RGS5: variants seen among roughly 807,000 people sequenced by gnomAD.
RGS5 encodes regulator of G-protein signalling 5.
In RGS5, 20 loss-of-function variants were observed where a neutral mutation model predicts 18.9. The observed-to-expected ratio is 1.06, with a 90% CI of 0.74 to 1.54. The LOEUF is 1.54. Among genes scored for constraint, RGS5 ranks in the 40% most tolerant of loss-of-function variants. RGS5 has a pLI of 0.00. For synonymous variants in RGS5, 57 were observed against 76.2 expected (o/e 0.75, Z 1.31); for missense variants, 201 against 211.8 (o/e 0.95, Z 0.32).
intron 1 of RGS5, among the ~76,000 whole-genome samples, chr1:163,208,468 T>A (rs1471856242): frequency 4.1e-5 from 5 of 121,802 alleles, no homozygotes; most frequent in Non-Finnish European, 7.9e-5. Context: ...CAGTGAGCTA[T>A]GATAGTGTAC....
At chr1:163,202,928 C>T (rs1659837037), upstream of RGS5, 1 of 1,196,052 alleles carries the variant, frequency 8.4e-7, no homozygotes, top group East Asian at 2.4e-5. Flanking sequence ...GGATGCCTTT[C>T]CTCCTGAGGT....
chr1:163,233,940 A>T (rs1288924968), intron 2 of RGS5, among the ~76,000 whole-genome samples: 2 of 152,042 alleles, frequency 1.3e-5, no homozygotes, highest in Non-Finnish European at 2.9e-5. Flanking sequence ...GGCTATTTTC[A>T]CTTCTTTTGT....
At chr1:163,258,563 T>A (rs1465714763) in intron 2 of RGS5, among the ~76,000 whole-genome samples, 2 of 152,204 alleles carry the variant, frequency 1.3e-5, no homozygotes, top group Non-Finnish European at 2.9e-5. Flanking sequence ...GATAAGTTTT[T>A]CTATTAGCTG....
chr1:163,261,269 C>T (rs774008084), intron 2 of RGS5, among the ~76,000 whole-genome samples: 34 of 152,240 alleles, frequency 2.2e-4, no homozygotes, highest in South Asian at 6.2e-4. Context: ...CACTGTGATG[C>T]CCATGGTCCT....
intron 2 of RGS5, among the ~76,000 whole-genome samples, chr1:163,262,009 A>T (rs1648449776): frequency 6.6e-6 from 1 of 152,078 alleles, no homozygotes. Context: ...CAATCCACAC[A>T]ATATCAGATA....
intron 2 of RGS5, among the ~76,000 whole-genome samples, chr1:163,285,227 C>T (rs1011106279): frequency 6.6e-6 from 1 of 152,006 alleles, no homozygotes; most frequent in Non-Finnish European, 1.5e-5. Flanking sequence ...ATTAACTTTT[C>T]CTTTGACAAG....
intron 1 of RGS5, among the ~76,000 whole-genome samples, chr1:163,216,618 C>T (rs745423107): frequency 8.2e-4 from 125 of 152,212 alleles, no homozygotes; most frequent in Non-Finnish European, 1.5e-3. Context: ...TTTCGTAGGT[C>T]GTCATTTGCA....
chr1:163,233,377 C>A (rs1215258348), intron 2 of RGS5, among the ~76,000 whole-genome samples: 2 of 152,214 alleles, frequency 1.3e-5, no homozygotes, highest in African/African-American at 4.8e-5. Context: ...TGTAAGCATC[C>A]TGTTCCTCAT....
At chr1:163,304,288 G>A (rs1649638869) in intron 2 of RGS5, 1 of 152,098 alleles carries the variant, frequency 6.6e-6, no homozygotes, top group South Asian at 2.1e-4. Context: ...TTCTCCTTAG[G>A]ATACTCAGGG....
At chr1:163,285,523 G>T (rs1265942298) in intron 2 of RGS5, among the ~76,000 whole-genome samples, 3 of 151,750 alleles carry the variant, frequency 2.0e-5, no homozygotes, top group African/African-American at 7.3e-5. Context: ...ACAGAGCAAG[G>T]CTCTGTCTCA....
chr1:163,168,217 T>A (rs200992937), intron 2 of RGS5, 41 bp downstream of exon 2: 3 of 1,431,880 alleles, frequency 2.1e-6, no homozygotes, highest in Admixed American at 3.4e-5. Context: ...AAAATAGCCA[T>A]CCTCTGGAGG....
chr1:163,263,196 G>A (rs185406307), intron 2 of RGS5, among the ~76,000 whole-genome samples: 79 of 152,110 alleles, frequency 5.2e-4, no homozygotes, highest in Non-Finnish European at 7.9e-4. Flanking sequence ...TTTTCTCCTG[G>A]CTTGCCATCT....
intron 1 of RGS5, among the ~76,000 whole-genome samples, chr1:163,190,997 A>C (rs537700696): frequency 3.6e-4 from 55 of 152,220 alleles, no homozygotes; most frequent in Non-Finnish European, 6.6e-4. Context: ...ATACATATAT[A>C]TATATATCCC....
intron 1 of RGS5, among the ~76,000 whole-genome samples, chr1:163,310,032 G>A (rs1002498249): frequency 5.9e-5 from 9 of 152,074 alleles, no homozygotes; most frequent in Admixed American, 6.6e-5. Flanking sequence ...TTCCAGTCTC[G>A]ACAGAGTCTC....
chr1:163,269,324 T>C (rs1344624656), intron 2 of RGS5, among the ~76,000 whole-genome samples: 1 of 152,140 alleles, frequency 6.6e-6, no homozygotes, highest in African/African-American at 2.4e-5. Flanking sequence ...GGCATGGTGC[T>C]AAGCATAGCT....
In RGS5 at chr1:163,191,741, T is replaced by TA. The variant is rs747997695; in HGVS notation, c.44+11050dup. Among the ~76,000 whole-genome samples, 13 of 152,232 alleles carry TA rather than the reference T, an allele frequency of 8.5e-5. No individual in the cohort carries two copies. The East Asian group carries it at 1.4e-3, about 16-fold the overall frequency. ...CCTAAATCCCTTGGAAATTCCTGGG[T>TA]AAGAGGACCACGTTTTGCTCTAATG... On this transcript the variant is annotated intron_variant, in intron 1 of 4. Transcript: ENST00000313961.
chr1:163,259,715 A>G (rs1509029), intron 2 of RGS5: 43,307 of 152,126 alleles, frequency 0.28, 6,346 homozygotes, highest in Non-Finnish European at 0.32. Flanking sequence ...ATTTGCTAGG[A>G]ATCTATTAAG....
chr1:163,294,250 C>G (rs890663135), intron 2 of RGS5, among the ~76,000 whole-genome samples: 2 of 152,248 alleles, frequency 1.3e-5, no homozygotes, highest in Non-Finnish European at 1.5e-5. Context: ...CAGCAGACTT[C>G]TGTCAGGATA....
At chr1:163,152,528 A>G (rs1176730583) in intron 4 of RGS5, 22 bp downstream of exon 4, 2 of 1,597,148 alleles carry the variant, frequency 1.3e-6, no homozygotes, top group African/African-American at 2.7e-5. Context: ...CCCTTAACTG[A>G]CCCACCTACC....
Sources: gnomAD v4.1 joint callset for allele counts (sites outside exome capture counted in the v4.1 genomes callset) on GRCh38, gnomAD v4.1.1 for gene constraint, MANE v1.5 for transcripts, NCBI Gene and HGNC (gene_info 2026-07-23, HGNC 2026-07-21) for gene names.